Variants in GAA observed in about 807,000 individuals in gnomAD.
The protein encoded by GAA is alpha glucosidase.
Under a neutral mutation model 103.9 loss-of-function variants are expected in GAA, and 88 were observed. The observed-to-expected ratio is 0.85, with a 90% CI of 0.71 to 1.01. The LOEUF is 1.01. GAA is among the 50% of genes least tolerant of loss of function. The pLI is 0.00. For missense variants in GAA, 1,350 were observed against 1,305.3 expected (o/e 1.03, Z -0.53); for synonymous variants, 572 against 563.1 (o/e 1.02, Z -0.22).
Position 80,105,770 on chromosome 17 carries a change from C to T in GAA, c.568C>T (p.Arg190Cys), listed in dbSNP as rs771258854. ...HFTIKDPANR[R>C]YEVPLETPHV... ...CTAGATCAAAGATCCAGCTAACAGG[C>T]GCTACGAGGTGCCCTTGGAGACCCC... The change falls in exon 3 of 20, where the codon CGC becomes TGC. Residue 190 changes from arginine (R) to cysteine (C), a missense_variant. By Grantham distance (180) the Arg-to-Cys change is radical. Coordinates refer to ENST00000302262, the MANE Select transcript of GAA (RefSeq NM_000152.5). 16 of 1,612,180 alleles carry T rather than the reference C, an allele frequency of 9.9e-6. No individual in the cohort carries two copies. Among genetic ancestry groups the T allele is most frequent in the East Asian group, 2.2e-5 (1 of 44,896 alleles).
At position 80,107,620 on chromosome 17, in the gene GAA, G is replaced by A; in HGVS notation, c.756G>A (p.Leu252=). 1.2e-6 allele frequency: 2 copies of A among 1,613,234 alleles called. No individual in the cohort carries two copies. Among genetic ancestry groups the A allele is most frequent in the Non-Finnish European group, 8.5e-7 (1 of 1,179,904 alleles). ...AGTTCCTTCAGCTGTCCACCTCGCT[G>A]CCCTCGCAGTATATCACAGGCCTCG... The part of the protein sequence containing the change: ...ADQFLQLSTS[L]PSQYITGLAE... The change falls in exon 4 of 20, where the codon CTG becomes CTA. Residue 252 remains leucine, a synonymous_variant. Transcript: ENST00000302262.
At chr17:80,116,340 A>T (rs2039351926) in intron 15 of GAA, among the ~76,000 whole-genome samples, 1 of 152,198 alleles carries the variant, frequency 6.6e-6, no homozygotes, top group African/African-American at 2.4e-5. Flanking sequence ...ACAAATAGAA[A>T]TAGGGCCTAA....
intron 15 of GAA, among the ~76,000 whole-genome samples, chr17:80,115,697 A>G (rs999329922): frequency 6.6e-6 from 1 of 152,226 alleles, no homozygotes; most frequent in Non-Finnish European, 1.5e-5. Flanking sequence ...TGCTGTGGTC[A>G]TCAGATTCCC....
chr17:80,112,426 G>A (rs2039258391), intron 12 of GAA, 152 bp from the exon 13 acceptor site: 2 of 971,988 alleles, frequency 2.1e-6, no homozygotes, highest in Non-Finnish European at 1.5e-6. Flanking sequence ...AGGCAACTGT[G>A]CCCGCAGACA....
At position 80,119,387 on chromosome 17, in the gene GAA, G is replaced by T; in HGVS notation, c.*56G>T. ...GAGGCTGGTTCCCCAGGGAAGCAGAGCCTGTGTGCGGGCAGCAGCTGTGTG... is the reference window on the plus strand; with the variant it reads ...GAGGCTGGTTCCCCAGGGAAGCAGATCCTGTGTGCGGGCAGCAGCTGTGTG... On this transcript the variant is annotated 3_prime_UTR_variant, in exon 20 of 20. Transcript: ENST00000302262. 1 of 1,463,536 alleles carries T rather than the reference G, an allele frequency of 6.8e-7. No homozygotes were observed. Among genetic ancestry groups the T allele is most frequent in the Non-Finnish European group, 9.6e-7 (1 of 1,043,396 alleles). 90.7% of individuals were successfully genotyped at this position (1,463,536 alleles called of 1,614,324 possible). A position where few individuals can be genotyped will look rare whatever the true frequency, so the allele number is the denominator to read the frequency against.
intron 4 of GAA, 36 bp downstream of exon 4, chr17:80,107,758 G>A: frequency 6.5e-7 from 1 of 1,539,286 alleles, no homozygotes; most frequent in African/African-American, 1.4e-5. Flanking sequence ...GCACTGAGCT[G>A]GGGAGCGCAG....
chr17:80,119,414 G>C lies in GAA; in HGVS notation c.*83G>C. The C allele has an allele frequency of 1.7e-6, 2 of 1,203,168 alleles. No homozygotes were observed. The highest frequency in any genetic ancestry group is 2.5e-6 in the Non-Finnish European group (2 of 807,796). 74.5% of individuals were successfully genotyped at this position (1,203,168 alleles called of 1,614,324 possible). On this transcript the variant is annotated 3_prime_UTR_variant, in exon 20 of 20. Transcript: ENST00000302262. ...CTGTGTGCGGGCAGCAGCTGTGTGC[G>C]GGCCTGGGGGTTGCATGTGTCACCT... is the stretch of plus-strand genomic sequence containing the variant.
In GAA at chr17:80,107,123, C is replaced by A. The variant is rs12941269; in HGVS notation, c.693-434C>A. On this transcript the variant is annotated intron_variant, in intron 3 of 19. Transcript: ENST00000302262. ...TGTTTGCCTTGCACTTGACCCCCAG[C>A]AAACCTCAGGGGTCCTTCTCAGGCA... Among the ~76,000 whole-genome samples the A allele has an allele frequency of 0.65, 99,252 of 151,712 alleles. 33,315 individuals carry two copies. Among genetic ancestry groups the A allele is most frequent in the Middle Eastern group, 0.85 (250 of 294 alleles).
At chr17:80,116,837 T>C in intron 15 of GAA, 131 bp from the exon 16 acceptor site, 2 of 1,025,106 alleles carry the variant, frequency 2.0e-6, no homozygotes, top group Non-Finnish European at 3.0e-6. Context: ...ACCTGAGTCC[T>C]CCAAGTCCTC....
chr17:80,114,303 A>G (rs1393083736), intron 15 of GAA, among the ~76,000 whole-genome samples: 2 of 152,198 alleles, frequency 1.3e-5, no homozygotes, highest in African/African-American at 4.8e-5. Context: ...TTGGAGGAAC[A>G]CTGTTTGCAA....
At position 80,105,032 on chromosome 17, in the gene GAA, C is replaced by A. The variant is rs750628023; in HGVS notation, c.446C>A (p.Thr149Lys). The A allele has an allele frequency of 1.2e-6, 2 of 1,612,820 alleles. No homozygotes were observed. The highest frequency in any genetic ancestry group is 1.3e-5 in the African/African-American group (1 of 74,932). The change falls in exon 2 of 20, where the codon ACG becomes AAG. Residue 149 changes from threonine (T) to lysine (K), a missense_variant. Transcript: ENST00000302262. ...ENLSSSEMGY[T>K]ATLTRTTPTF... Reference sequence around the variant, plus strand: ...CTGAGCTCCTCTGAAATGGGCTACACGGCCACCCTGACCCGTACCACCCCC... The same window carrying A: ...CTGAGCTCCTCTGAAATGGGCTACAAGGCCACCCTGACCCGTACCACCCCC...
At chr17:80,114,276 C>G (rs549929294) in intron 15 of GAA, among the ~76,000 whole-genome samples, 78 of 152,204 alleles carry the variant, frequency 5.1e-4, no homozygotes, top group African/African-American at 1.8e-3. Flanking sequence ...TTGGTAAGAC[C>G]AAGACTAAGA....
chr17:80,102,320 CT>C (rs2038973357), intron 1 of GAA: 1 of 152,238 alleles, frequency 6.6e-6, no homozygotes, highest in Non-Finnish European at 1.5e-5. Context: ...TGTCTCTGGT[CT>C]TTGTCCCTGG....
Position 80,108,841 on chromosome 17 carries a change from A to G in GAA, c.1326+13A>G. ...CATGATGATCGTGGTGTGTGCCCCC[A>G]CACTGTGGGTCTTTGGGAAGGGGGC... On this transcript the variant is annotated intron_variant, in intron 8 of 19. Transcript: ENST00000302262. 1 of 1,579,322 alleles carries G rather than the reference A, an allele frequency of 6.3e-7. No homozygotes were observed. The highest frequency in any genetic ancestry group is 2.3e-5 in the East Asian group (1 of 42,972).
chr17:80,117,025 C>T lies in GAA; in HGVS notation c.2247C>T (p.Ala749=). ...ACCACCAGCTCCTGTGGGGGGAGGCCCTGCTCATCACCCCAGTGCTCCAGG... is the reference window on the plus strand; with the variant it reads ...ACCACCAGCTCCTGTGGGGGGAGGCTCTGCTCATCACCCCAGTGCTCCAGG... ...TVDHQLLWGE[A]LLITPVLQAG... Residue 749 remains alanine, a synonymous_variant, in exon 16 of 20, where the codon GCC becomes GCT. Transcript: ENST00000302262. 6.2e-7 allele frequency: 1 copy of T among 1,613,604 alleles called. No homozygotes were observed. Among genetic ancestry groups the T allele is most frequent in the Non-Finnish European group, 8.5e-7 (1 of 1,179,968 alleles).
chr17:80,105,881 G>A lies in GAA; in HGVS notation c.679G>A (p.Asp227Asn). 6.3e-7 allele frequency: 1 copy of A among 1,597,790 alleles called. No homozygotes were observed. Among genetic ancestry groups the A allele is most frequent in the South Asian group, 1.1e-5 (1 of 90,956 alleles). ...CGGGGTGATCGTGCGCCGGCAGCTG[G>A]ACGGCCGCGTGCTGTGAGTTCTGGG... Reference protein sequence around the residue: ...PFGVIVRRQLDGRVLLNTTVA... With the variant: ...PFGVIVRRQLNGRVLLNTTVA... The change falls in exon 3 of 20, where the codon GAC becomes AAC. Residue 227 changes from aspartate (D) to asparagine (N), a missense_variant. Physicochemically the swap from Asp to Asn is conservative, Grantham distance 23. Transcript: ENST00000302262.
chr17:80,118,923 G>T (rs1418593591), intron 19 of GAA, 118 bp downstream of exon 19: 4 of 1,255,702 alleles, frequency 3.2e-6, no homozygotes, highest in Non-Finnish European at 4.5e-6. Context: ...ACCTCCCAAG[G>T]GGGTCTTTGG....
At chr17:80,107,750 A>G (rs764463384) in intron 4 of GAA, 28 bp downstream of exon 4, 9 of 1,592,850 alleles carry the variant, frequency 5.7e-6, no homozygotes, top group East Asian at 4.5e-5. Flanking sequence ...GGGCGGGGGC[A>G]CTGAGCTGGG....
In GAA at chr17:80,108,809, G is replaced by A. The variant is rs748788550; in HGVS notation, c.1307G>A (p.Arg436Gln). 9.4e-6 allele frequency: 15 copies of A among 1,598,810 alleles called. No individual in the cohort carries two copies. Among genetic ancestry groups the A allele is most frequent in the South Asian group, 4.5e-5 (4 of 89,182 alleles). ...AMVQELHQGG[R>Q]RYMMIVDPAI... ...GTGCAGGAGCTGCACCAGGGCGGCCGGCGCTACATGATGATCGTGGTGTGT... is the reference window on the plus strand; with the variant it reads ...GTGCAGGAGCTGCACCAGGGCGGCCAGCGCTACATGATGATCGTGGTGTGT... Residue 436 changes from arginine to glutamine, a missense_variant, in exon 8 of 20, where the codon CGG becomes CAG. By Grantham distance (43) the Arg-to-Gln change is conservative. Coordinates refer to ENST00000302262, the MANE Select transcript of GAA (RefSeq NM_000152.5).
Sources: gnomAD v4.1 joint callset for allele counts (sites outside exome capture counted in the v4.1 genomes callset) on GRCh38, gnomAD v4.1.1 for gene constraint, MANE v1.5 for transcripts, NCBI Gene and HGNC (gene_info 2026-07-23, HGNC 2026-07-21) for gene names.